RBFOX1: variants seen among roughly 807,000 people sequenced by gnomAD.
The protein encoded by RBFOX1 is RNA binding protein fox-1 homolog 1.
A neutral mutation model predicts 57.7 loss-of-function variants in RBFOX1; 8 were observed. That is an observed-to-expected ratio of 0.14 (90% CI 0.08 to 0.25). The LOEUF is 0.25. RBFOX1 is among the 10% of genes least tolerant of loss of function. The pLI is 1.00. For missense variants in RBFOX1, 611 were observed against 548.5 expected (o/e 1.11, Z -1.14); for synonymous variants, 326 against 222.4 (o/e 1.47, Z -4.15).
chr16:5,539,987 G>A (rs541977665), intron 2 of RBFOX1, among the ~76,000 whole-genome samples: 4 of 152,130 alleles, frequency 2.6e-5, no homozygotes, highest in Non-Finnish European at 5.9e-5. Context: ...GTACATTTTA[G>A]CATTTAACCA....
intron 3 of RBFOX1, among the ~76,000 whole-genome samples, chr16:5,640,462 A>T (rs550110204): frequency 1.2e-4 from 18 of 152,166 alleles, no homozygotes; most frequent in African/African-American, 4.3e-4. Context: ...ACACAGGCAC[A>T]CACACATGTA....
chr16:6,562,817 C>G (rs922750575), intron 2 of RBFOX1, among the ~76,000 whole-genome samples: 1 of 137,148 alleles, frequency 7.3e-6, no homozygotes, highest in African/African-American at 2.6e-5. Flanking sequence ...AACTGCAGGC[C>G]TTGATTCTTG....
chr16:7,459,067 T>C (rs771921030), intron 4 of RBFOX1, among the ~76,000 whole-genome samples: 1 of 152,018 alleles, frequency 6.6e-6, no homozygotes, highest in Non-Finnish European at 1.5e-5. Flanking sequence ...ATGCAATAGA[T>C]GGATGGGTGA....
intron 3 of RBFOX1, among the ~76,000 whole-genome samples, chr16:5,805,227 C>T (rs1415540370): frequency 2.0e-5 from 3 of 151,988 alleles, no homozygotes; most frequent in African/African-American, 7.3e-5. Context: ...GGAATAGAGC[C>T]TGGATTAAAA....
intron 2 of RBFOX1, among the ~76,000 whole-genome samples, chr16:6,378,678 C>A (rs1218229124): frequency 2.6e-5 from 4 of 152,200 alleles, no homozygotes; most frequent in African/African-American, 9.6e-5. Flanking sequence ...TCTCAAATGT[C>A]ACCCTTTAGA....
chr16:5,392,519 A>G (rs1194653986), intron 1 of RBFOX1, among the ~76,000 whole-genome samples: 1 of 151,132 alleles, frequency 6.6e-6, no homozygotes, highest in Non-Finnish European at 1.5e-5. Flanking sequence ...CTAATGATAT[A>G]TATATATATA....
At chr16:6,462,060 C>G (rs1385912280) in intron 2 of RBFOX1, among the ~76,000 whole-genome samples, 3 of 152,098 alleles carry the variant, frequency 2.0e-5, no homozygotes, top group Non-Finnish European at 2.9e-5. Flanking sequence ...TTTTCCTTTT[C>G]AACAACATTT....
At chr16:7,569,144 A>G (rs2092485575) in intron 5 of RBFOX1, among the ~76,000 whole-genome samples, 1 of 152,066 alleles carries the variant, frequency 6.6e-6, no homozygotes. Context: ...AGTGATGAAA[A>G]TGTTCTATAC....
chr16:5,734,726 T>A (rs2052510527), intron 3 of RBFOX1, among the ~76,000 whole-genome samples: 1 of 152,134 alleles, frequency 6.6e-6, no homozygotes, highest in African/African-American at 2.4e-5. Flanking sequence ...CATGCTGGCT[T>A]CCATCTCATA....
At chr16:7,048,518 C>T (rs1347383453) in intron 3 of RBFOX1, among the ~76,000 whole-genome samples, 2 of 152,216 alleles carry the variant, frequency 1.3e-5, no homozygotes, top group Non-Finnish European at 2.9e-5. Flanking sequence ...CTCAGCCTTC[C>T]AAAGTGCTGG....
At chr16:7,447,921 G>C (rs1316264472) in intron 4 of RBFOX1, among the ~76,000 whole-genome samples, 2 of 152,228 alleles carry the variant, frequency 1.3e-5, no homozygotes, top group Admixed American at 6.5e-5. Context: ...ACAGGCATCT[G>C]CGTTAAATAT....
At chr16:5,347,675 C>G (rs1000754637) in intron 1 of RBFOX1, among the ~76,000 whole-genome samples, 1 of 149,036 alleles carries the variant, frequency 6.7e-6, no homozygotes, top group East Asian at 2.0e-4. Context: ...CACCCTTTCA[C>G]TCAATCATGC....
chr16:6,904,707 C>G (rs974509095), intron 3 of RBFOX1, among the ~76,000 whole-genome samples: 3 of 150,130 alleles, frequency 2.0e-5, no homozygotes, highest in African/African-American at 7.4e-5. Flanking sequence ...CCGTCAGTTT[C>G]TCCTTGGTTT....
chr16:6,276,033 G>T (rs1245579364), intron 1 of RBFOX1, among the ~76,000 whole-genome samples: 2 of 152,164 alleles, frequency 1.3e-5, no homozygotes, highest in Non-Finnish European at 2.9e-5. Context: ...TTCTTTAATT[G>T]TACAGATAGT....
intron 14 of RBFOX1, among the ~76,000 whole-genome samples, chr16:7,696,837 G>T (rs980723066): frequency 5.3e-5 from 8 of 152,134 alleles, no homozygotes; most frequent in African/African-American, 1.9e-4. Flanking sequence ...TTTGAGCAGG[G>T]ATCTAAATAT....
At chr16:5,403,921 C>T (rs971419217) in intron 1 of RBFOX1, among the ~76,000 whole-genome samples, 3 of 151,806 alleles carry the variant, frequency 2.0e-5, no homozygotes, top group African/African-American at 7.3e-5. Flanking sequence ...CTACTGGAGT[C>T]AGGTGGCCTG....
At position 5,641,301 on chromosome 16, in the gene RBFOX1, G is replaced by A. The variant is rs375848279; in HGVS notation, c.318+42340G>A. ...CTAGGTGCTGAGAATACAGTGGAAGGGAAAAGACAAAGTCTCTGATCTCAT... is the reference window on the plus strand; with the variant it reads ...CTAGGTGCTGAGAATACAGTGGAAGAGAAAAGACAAAGTCTCTGATCTCAT... On this transcript the variant is annotated intron_variant, in intron 3 of 19. Coordinates refer to the RBFOX1 transcript ENST00000641259. Among the ~76,000 whole-genome samples the A allele has an allele frequency of 8.5e-5, 13 of 152,326 alleles. No individual in the cohort carries two copies. In the East Asian group the frequency reaches 2.3e-3, roughly 27 times the overall value.
intron 1 of RBFOX1, among the ~76,000 whole-genome samples, chr16:6,212,865 A>G (rs1157518174): frequency 6.6e-6 from 1 of 152,250 alleles, no homozygotes; most frequent in Non-Finnish European, 1.5e-5. Context: ...GGTAAGAAGA[A>G]GAGACCAATA....
intron 2 of RBFOX1, among the ~76,000 whole-genome samples, chr16:6,524,704 C>CT (rs1360119852): frequency 6.6e-6 from 1 of 152,158 alleles, no homozygotes; most frequent in Non-Finnish European, 1.5e-5. Context: ...GCCATGCTCC[C>CT]TGTGAGGGCT....
Sources: allele counts gnomAD v4.1 joint callset (sites outside exome capture counted in the v4.1 genomes callset), GRCh38; gene constraint gnomAD v4.1.1; transcripts MANE v1.5; gene names NCBI Gene and HGNC (gene_info 2026-07-23, HGNC 2026-07-21).